The following PBX1 variants were observed in gnomAD, a reference collection of about 807,000 sequenced individuals.
PBX1 encodes the protein pre-B-cell leukemia transcription factor 1.
In PBX1, 6 loss-of-function variants were observed where a neutral mutation model predicts 53.4. The observed-to-expected ratio is 0.11, with a 90% confidence interval of 0.06 to 0.22. PBX1 has a LOEUF of 0.22. Ranked by LOEUF, PBX1 falls within the 10% of genes least tolerant of loss-of-function variation. The probability of loss-of-function intolerance (pLI) is 1.00; values close to 1 mark genes in which losing one functional copy is unlikely to be tolerated. For synonymous variants in PBX1, 204 were observed against 212.3 expected (o/e 0.96, Z 0.34); for missense variants, 251 against 551.4 (o/e 0.46, Z 5.46).
At chr1:164,807,462 C>A (rs1669414462) in intron 4 of PBX1, 80 bp from the exon 5 acceptor site, 1 of 1,514,414 alleles carries the variant, frequency 6.6e-7, no homozygotes. Context: ...TGTCTTCTCC[C>A]AGAAGTAGAT....
rs1671649946 is a variant in PBX1, at chr1:164,847,891, C to T, written c.*1215C>T. On this transcript the variant is annotated 3_prime_UTR_variant, in exon 9 of 9. Coordinates refer to ENST00000420696, the MANE Select transcript of PBX1 (RefSeq NM_002585.4). ...GACCAGGTTTCCAGTGTAAACTACT[C>T]TTGTTCCCACCACCTCTGGAGCACT... is the stretch of plus-strand genomic sequence containing the variant. 7.6e-6 allele frequency: 8 copies of T among 1,054,996 alleles called. No individual in the cohort carries two copies. The South Asian group carries it at 3.2e-4, about 42-fold the overall frequency. The allele number at this position is 1,054,996 out of a possible 1,614,324, so 65.4% of individuals were successfully genotyped here.
chr1:164,800,846 A>G (rs1227687951), intron 4 of PBX1, among the ~76,000 whole-genome samples: 1 of 152,188 alleles, frequency 6.6e-6, no homozygotes, highest in Non-Finnish European at 1.5e-5. Flanking sequence ...TATCATTGGG[A>G]CATTAGATAT....
chr1:164,567,761 A>G (rs6426871), intron 2 of PBX1, among the ~76,000 whole-genome samples: 50,002 of 152,064 alleles, frequency 0.33, 10,227 homozygotes, highest in East Asian at 0.74. Flanking sequence ...GCAAAGAGCA[A>G]TTTGGTCAAA....
intron 2 of PBX1, among the ~76,000 whole-genome samples, chr1:164,598,554 G>C (rs1413851455): frequency 6.6e-6 from 1 of 152,136 alleles, no homozygotes; most frequent in African/African-American, 2.4e-5. Flanking sequence ...AGTTCTCTGA[G>C]GAACATACTA....
chr1:164,827,444 G>A (rs946633099), intron 8 of PBX1, among the ~76,000 whole-genome samples: 1 of 152,154 alleles, frequency 6.6e-6, no homozygotes, highest in East Asian at 1.9e-4. Flanking sequence ...GAGGGGTAAA[G>A]GTACCAAGGA....
intron 2 of PBX1, among the ~76,000 whole-genome samples, chr1:164,649,146 G>A (rs1375003440): frequency 1.3e-5 from 2 of 152,094 alleles, no homozygotes; most frequent in African/African-American, 4.8e-5. Context: ...CTCTCCCACC[G>A]CCATGCGCTT....
chr1:164,857,750 C>T (rs1672009741), intron 2 of PBX1, among the ~76,000 whole-genome samples: 1 of 152,116 alleles, frequency 6.6e-6, no homozygotes, highest in Non-Finnish European at 1.5e-5. Flanking sequence ...CCCATTTTAC[C>T]ATAACTAATT....
intron 2 of PBX1, among the ~76,000 whole-genome samples, chr1:164,738,416 G>T (rs1665416127): frequency 6.6e-6 from 1 of 152,114 alleles, no homozygotes; most frequent in South Asian, 2.1e-4. Context: ...CTCCCAAGTA[G>T]ATAGGATTAT....
intron 2 of PBX1, among the ~76,000 whole-genome samples, chr1:164,718,316 C>T (rs950387958): frequency 5.2e-4 from 79 of 152,300 alleles, no homozygotes; most frequent in Non-Finnish European, 4.1e-4. Flanking sequence ...TACACAACCT[C>T]CACAAAGATA....
At chr1:164,673,465 C>CTTTTTTTTTTTT (rs1171916726) in intron 2 of PBX1, among the ~76,000 whole-genome samples, 3 of 109,406 alleles carry the variant, frequency 2.7e-5, no homozygotes, top group African/African-American at 1.2e-4. Flanking sequence ...AAATTACTAA[C>CTTTTTTTTTTTT]TTTTTTTTTT....
At chr1:164,603,789 T>C (rs996046756) in intron 2 of PBX1, among the ~76,000 whole-genome samples, 7 of 152,188 alleles carry the variant, frequency 4.6e-5, no homozygotes, top group Non-Finnish European at 5.9e-5. Context: ...ATTTCAAGTT[T>C]TAAGTTTAGT....
At chr1:164,718,671 C>T (rs546532966) in intron 2 of PBX1, among the ~76,000 whole-genome samples, 13 of 152,296 alleles carry the variant, frequency 8.5e-5, no homozygotes, top group East Asian at 5.8e-4. Flanking sequence ...TCTACCGCTT[C>T]GTAAAATCAG....
rs1172875520 is a variant in PBX1 at position 164,851,225 on chromosome 1, A to G, written c.*4549A>G. 1.4e-5 allele frequency: 3 copies of G among 210,718 alleles called. No individual in the cohort carries two copies. Among genetic ancestry groups the G allele is most frequent in the African/African-American group, 6.8e-5 (3 of 44,110 alleles). 13.1% of individuals were successfully genotyped at this position (210,718 alleles called of 1,614,324 possible). A position where few individuals can be genotyped will look rare whatever the true frequency, so the allele number is the denominator to read the frequency against. On this transcript the variant is annotated 3_prime_UTR_variant, in exon 9 of 9. Coordinates refer to ENST00000420696, the MANE Select transcript of PBX1 (RefSeq NM_002585.4). ...TTATTAGAGGAAAAAAGAAAGCCAT[A>G]TTATCTGGAAAAAAATTCATTTTAA...
At chr1:164,809,223 C>T (rs1669492286) in intron 5 of PBX1, among the ~76,000 whole-genome samples, 1 of 152,162 alleles carries the variant, frequency 6.6e-6, no homozygotes, top group African/African-American at 2.4e-5. Flanking sequence ...AAGGAATTCT[C>T]CTGGAGGTAA....
intron 2 of PBX1, among the ~76,000 whole-genome samples, chr1:164,701,418 G>A (rs1180232621): frequency 6.6e-6 from 1 of 152,188 alleles, no homozygotes; most frequent in African/African-American, 2.4e-5. Context: ...GGGAATTGCT[G>A]TTGTACTTCA....
chr1:164,825,931 T>G (rs1040971745), intron 8 of PBX1, among the ~76,000 whole-genome samples: 4 of 152,152 alleles, frequency 2.6e-5, no homozygotes, highest in Non-Finnish European at 5.9e-5. Flanking sequence ...TGTAACTGGA[T>G]TCTCATTGTT....
intron 2 of PBX1, among the ~76,000 whole-genome samples, chr1:164,663,280 GCC>G (rs1660617060): frequency 7.1e-6 from 1 of 140,438 alleles, no homozygotes; most frequent in Non-Finnish European, 1.5e-5. Context: ...CTGCCTGCCT[GCC>G]TTCCTACCTG....
At position 164,585,468 on chromosome 1, in the gene PBX1, C is replaced by CTATT. The variant is rs529955974; in HGVS notation, c.265+22161_265+22164dup. ...TTTAGCATTTGCTTTAGTGGCTTTG[C>CTATT]TATTTATAGACTTGTCTGGGGAGGT... On this transcript the variant is annotated intron_variant, in intron 2 of 8. Coordinates refer to ENST00000420696, the MANE Select transcript of PBX1 (RefSeq NM_002585.4). Among the ~76,000 whole-genome samples, 1,230 of 152,246 alleles carry CTATT rather than the reference C, an allele frequency of 8.1e-3. 14 individuals are homozygous for CTATT. Among genetic ancestry groups the CTATT allele is most frequent in the African/African-American group, 0.028 (1,175 of 41,530 alleles).
rs184768199 is a variant in PBX1, at chr1:164,570,735, G to A, written c.265+7424G>A. 1.3e-4 allele frequency among the ~76,000 whole-genome samples: 20 copies of A among 152,316 alleles called. No individual in the cohort carries two copies. The East Asian group carries it at 3.7e-3, about 28-fold the overall frequency. ...TGTGTATATACGCAGTGATGGGATT[G>A]CTGGGTCAAATGGTATTTCTGGTTC... On this transcript the variant is annotated intron_variant, in intron 2 of 8. Coordinates refer to ENST00000420696, the MANE Select transcript of PBX1 (RefSeq NM_002585.4).
Sources: allele counts gnomAD v4.1 joint callset (sites outside exome capture counted in the v4.1 genomes callset), GRCh38; gene constraint gnomAD v4.1.1; transcripts MANE v1.5; gene names NCBI Gene and HGNC (gene_info 2026-07-23, HGNC 2026-07-21).